The following KCNQ5 variants were observed in gnomAD, a reference collection of about 807,000 sequenced individuals.
The protein encoded by KCNQ5 is potassium voltage-gated channel subfamily KQT member 5.
A neutral mutation model predicts 98.2 loss-of-function variants in KCNQ5; 30 were observed. That is an observed-to-expected ratio of 0.31 (90% confidence interval 0.23 to 0.41). The LOEUF (loss-of-function observed/expected upper bound fraction) is 0.41. Ranked by LOEUF, KCNQ5 falls within the 10% of genes least tolerant of loss-of-function variation. The pLI is 1.00. For synonymous variants in KCNQ5, 458 were observed against 449.4 expected, an observed-to-expected ratio of 1.02 and a Z score of -0.24; for missense variants, 835 against 1,182.5, an observed-to-expected ratio of 0.71 and a Z score of 4.31.
chr6:72,648,644 G>A (rs534047056), intron 1 of KCNQ5, among the ~76,000 whole-genome samples: 8 of 151,504 alleles, frequency 5.3e-5, no homozygotes, highest in Non-Finnish European at 1.0e-4. Context: ...AATATGGAGG[G>A]GGAAAAAGAG....
rs1207940690 is a variant in KCNQ5, at chr6:72,896,938, T to TGG, written c.399-106970_399-106969insGG. ...TTCTGAGTCCTGGTTTTTTGTTTGT[T>TGG]TGTTGGTTGGTTGGTTGGTTGGTTG... On this transcript the variant is annotated intron_variant, in intron 1 of 13. Transcript: ENST00000370398. 5.4e-3 allele frequency among the ~76,000 whole-genome samples: 819 copies of TGG among 151,940 alleles called. 6 individuals are homozygous for TGG. Among genetic ancestry groups the TGG allele is most frequent in the African/African-American group, 0.019 (785 of 41,238 alleles).
intron 5 of KCNQ5, among the ~76,000 whole-genome samples, chr6:73,101,007 CA>C (rs1271954696): frequency 6.6e-6 from 1 of 151,994 alleles, no homozygotes. Context: ...ATTATCCCAG[CA>C]AAGAAAAACC....
chr6:73,138,974 A>G (rs1403542234), intron 10 of KCNQ5, among the ~76,000 whole-genome samples: 2 of 152,240 alleles, frequency 1.3e-5, no homozygotes, highest in Non-Finnish European at 2.9e-5. Flanking sequence ...AATGCAATTT[A>G]TAATACCACA....
chr6:72,820,277 G>A (rs1471350881), intron 1 of KCNQ5, among the ~76,000 whole-genome samples: 1 of 152,108 alleles, frequency 6.6e-6, no homozygotes, highest in Non-Finnish European at 1.5e-5. Flanking sequence ...GGAAACTGAG[G>A]GACAAAGAGG....
chr6:72,658,493 C>T (rs1218012151), intron 1 of KCNQ5, among the ~76,000 whole-genome samples: 3 of 146,668 alleles, frequency 2.0e-5, no homozygotes, highest in African/African-American at 7.6e-5. Flanking sequence ...GTTGGCCAGG[C>T]TGGTCCCAAA....
chr6:72,986,143 T>A (rs915639886), intron 1 of KCNQ5, among the ~76,000 whole-genome samples: 1 of 152,076 alleles, frequency 6.6e-6, no homozygotes, highest in Non-Finnish European at 1.5e-5. Flanking sequence ...GACAGGAGAA[T>A]CGCTTGAACC....
intron 1 of KCNQ5, among the ~76,000 whole-genome samples, chr6:72,826,753 G>T (rs1776019148): frequency 6.6e-6 from 1 of 151,946 alleles, no homozygotes; most frequent in African/African-American, 2.4e-5. Context: ...CTAGCTATTT[G>T]AAACAATATA....
intron 3 of KCNQ5, among the ~76,000 whole-genome samples, chr6:73,050,855 G>T (rs1772203495): frequency 6.6e-6 from 1 of 152,072 alleles, no homozygotes; most frequent in Admixed American, 6.5e-5. Context: ...TTTTGAAATT[G>T]GCTTTTTCTT....
chr6:72,670,851 A>C (rs113837758), intron 1 of KCNQ5, among the ~76,000 whole-genome samples: 84 of 152,296 alleles, frequency 5.5e-4, no homozygotes, highest in African/African-American at 1.9e-3. Context: ...ATAAGACATA[A>C]ACAAGGACAT....
intron 1 of KCNQ5, among the ~76,000 whole-genome samples, chr6:72,788,271 G>C (rs59542180): frequency 0.11 from 16,932 of 152,268 alleles, 1,082 homozygotes; most frequent in African/African-American, 0.18. Context: ...AGAATGTCCA[G>C]ATTCAAATCC....
intron 1 of KCNQ5, among the ~76,000 whole-genome samples, chr6:72,843,264 G>C (rs1017955677): frequency 6.6e-6 from 1 of 152,018 alleles, no homozygotes; most frequent in Admixed American, 6.6e-5. Flanking sequence ...TCTTGTTTTT[G>C]TCAGGTTTGT....
At chr6:72,977,491 G>A (rs1193619561) in intron 1 of KCNQ5, among the ~76,000 whole-genome samples, 1 of 152,124 alleles carries the variant, frequency 6.6e-6, no homozygotes, top group Non-Finnish European at 1.5e-5. Context: ...TGATAGCAAG[G>A]GAAAGGAACC....
chr6:72,956,124 G>C (rs1280223655), intron 1 of KCNQ5, among the ~76,000 whole-genome samples: 1 of 152,156 alleles, frequency 6.6e-6, no homozygotes, highest in African/African-American at 2.4e-5. Context: ...GATACATTTA[G>C]TGCTTTACAT....
chr6:73,046,253 A>G (rs1046289560), intron 3 of KCNQ5, among the ~76,000 whole-genome samples: 17 of 152,202 alleles, frequency 1.1e-4, no homozygotes, highest in African/African-American at 4.1e-4. Flanking sequence ...ATTATTTTCT[A>G]TACCTTCTAC....
intron 1 of KCNQ5, among the ~76,000 whole-genome samples, chr6:72,873,242 G>A (rs1178542169): frequency 6.6e-6 from 1 of 152,038 alleles, no homozygotes; most frequent in Non-Finnish European, 1.5e-5. Context: ...AATTGAATAT[G>A]ATATTTGAGT....
chr6:72,746,519 T>C (rs1771417070), intron 1 of KCNQ5, among the ~76,000 whole-genome samples: 1 of 152,138 alleles, frequency 6.6e-6, no homozygotes. Context: ...GGAGTAGTCA[T>C]TGAACTAAAC....
chr6:72,684,557 G>A (rs1767859489), intron 1 of KCNQ5, among the ~76,000 whole-genome samples: 1 of 152,166 alleles, frequency 6.6e-6, no homozygotes, highest in Admixed American at 6.5e-5. Flanking sequence ...TTGTATACAT[G>A]TATCAAAATA....
intron 1 of KCNQ5, among the ~76,000 whole-genome samples, chr6:72,756,543 GT>G (rs1381141432): frequency 7.9e-5 from 12 of 152,090 alleles, no homozygotes; most frequent in Non-Finnish European, 1.6e-4. Context: ...AAGTTGTAGA[GT>G]TTTTGTTTTT....
chr6:72,684,534 T>G (rs2154473956), intron 1 of KCNQ5, among the ~76,000 whole-genome samples: 1 of 152,348 alleles, frequency 6.6e-6, no homozygotes, highest in Middle Eastern at 3.4e-3. Context: ...GCCTTGATAT[T>G]GATTATTACA....
Sources: allele counts gnomAD v4.1 joint callset (sites outside exome capture counted in the v4.1 genomes callset), GRCh38; gene constraint gnomAD v4.1.1; transcripts MANE v1.5; gene names NCBI Gene and HGNC (gene_info 2026-07-23, HGNC 2026-07-21).